DGKI: variants seen among roughly 807,000 people sequenced by gnomAD.
DGKI encodes the protein DAG kinase iota.
A neutral mutation model predicts 147.5 loss-of-function variants in DGKI; 55 were observed. The ratio of observed to expected loss-of-function variants is 0.37; its 90% CI spans 0.30 to 0.47. DGKI has a LOEUF of 0.47. Among genes scored for constraint, DGKI ranks in the 20% least tolerant of loss-of-function variants. The pLI is 1.00. For synonymous variants in DGKI, 469 were observed against 477.1 expected, an observed-to-expected ratio of 0.98 and a Z score of 0.22; for missense variants, 1,007 against 1,323.8, an observed-to-expected ratio of 0.76 and a Z score of 3.71.
intron 28 of DGKI, among the ~76,000 whole-genome samples, chr7:137,436,360 T>C (rs1813285787): frequency 6.6e-6 from 1 of 152,076 alleles, no homozygotes; most frequent in South Asian, 2.1e-4. Flanking sequence ...TTCTACCCAA[T>C]AAAAAGACCT....
At chr7:137,445,894 G>A (rs1813695519) in intron 27 of DGKI, among the ~76,000 whole-genome samples, 2 of 152,106 alleles carry the variant, frequency 1.3e-5, no homozygotes, top group Admixed American at 1.3e-4. Context: ...AGTTGGGGAG[G>A]GGAGTATTGA....
At chr7:137,418,761 A>C (rs1267833432) in intron 28 of DGKI, among the ~76,000 whole-genome samples, 2 of 152,236 alleles carry the variant, frequency 1.3e-5, no homozygotes, top group African/African-American at 4.8e-5. Flanking sequence ...GTAAATATAA[A>C]AACTGCTAAA....
chr7:137,428,081 G>T (rs953743752), intron 28 of DGKI, among the ~76,000 whole-genome samples: 2 of 146,342 alleles, frequency 1.4e-5, no homozygotes, highest in Admixed American at 6.9e-5. Context: ...TACCAAAGCC[G>T]GGCAGAGACA....
Position 137,463,503 on chromosome 7 carries a change from G to C in DGKI, c.2721C>G (p.His907Gln). ...AGAACTCTTACTGTAGCACGCGGGA[G>C]TGGCTGAGATCTTTCAGATCTGAGT... ...YEDSDLKDLS[H>Q]SRVLQSPVSS... The change falls in exon 27 of 33, where the codon CAC becomes CAG. Residue 907 changes from histidine to glutamine, a missense_variant. By Grantham distance (24) the His-to-Gln change is conservative (BLOSUM62 0). Transcript: ENST00000614521. 1 of 1,614,150 alleles carries C rather than the reference G, an allele frequency of 6.2e-7. No homozygotes were observed. Among genetic ancestry groups the C allele is most frequent in the Non-Finnish European group, 8.5e-7 (1 of 1,180,024 alleles).
intron 6 of DGKI, among the ~76,000 whole-genome samples, chr7:137,625,633 C>T (rs983544896): frequency 4.6e-5 from 7 of 151,542 alleles, no homozygotes; most frequent in Admixed American, 1.3e-4. Context: ...CATGGTGGCT[C>T]ATGCCTGTAA....
chr7:137,507,154 A>G (rs920255924), intron 21 of DGKI, among the ~76,000 whole-genome samples: 15 of 152,192 alleles, frequency 9.9e-5, no homozygotes, highest in African/African-American at 3.6e-4. Context: ...AAGGAAACAT[A>G]ACATCCCAAG....
intron 1 of DGKI, among the ~76,000 whole-genome samples, chr7:137,749,394 C>T (rs571921738): frequency 6.6e-6 from 1 of 152,250 alleles, no homozygotes; most frequent in South Asian, 2.1e-4. Flanking sequence ...GCAAGCTCCC[C>T]ACTCAAACCA....
At chr7:137,539,696 T>C (rs1817626045) in intron 20 of DGKI, among the ~76,000 whole-genome samples, 1 of 148,366 alleles carries the variant, frequency 6.7e-6, no homozygotes, top group South Asian at 2.1e-4. Context: ...TAGAAAAAAA[T>C]GGGAAAAAAA....
intron 21 of DGKI, among the ~76,000 whole-genome samples, chr7:137,503,245 A>G (rs1235935146): frequency 6.6e-6 from 1 of 152,186 alleles, no homozygotes; most frequent in Non-Finnish European, 1.5e-5. Context: ...TTACAAAGAA[A>G]TGCAACTATA....
intron 20 of DGKI, among the ~76,000 whole-genome samples, chr7:137,545,748 T>C (rs1817842125): frequency 6.6e-6 from 1 of 152,154 alleles, no homozygotes; most frequent in South Asian, 2.1e-4. Context: ...CACAGCTCCA[T>C]TTCAAATCAA....
intron 12 of DGKI, among the ~76,000 whole-genome samples, chr7:137,588,867 TTAATG>T (rs1463403108): frequency 1.3e-5 from 2 of 152,196 alleles, no homozygotes; most frequent in African/African-American, 2.4e-5. Flanking sequence ...AAGACAGATA[TTAATG>T]TAATTTTCAT....
At chr7:137,402,351 T>G (rs1177970037) in intron 30 of DGKI, among the ~76,000 whole-genome samples, 1 of 152,112 alleles carries the variant, frequency 6.6e-6, no homozygotes, top group Non-Finnish European at 1.5e-5. Flanking sequence ...GAAAGAAAAT[T>G]CTGTTAAGTG....
At chr7:137,419,088 C>T (rs368210774) in intron 28 of DGKI, among the ~76,000 whole-genome samples, 15 of 152,290 alleles carry the variant, frequency 9.8e-5, no homozygotes, top group African/African-American at 3.6e-4. Context: ...TTACTTGCCT[C>T]CCCCCTTCCC....
chr7:137,497,612 TA>T (rs918028168), intron 21 of DGKI, among the ~76,000 whole-genome samples: 27 of 150,474 alleles, frequency 1.8e-4, no homozygotes, highest in Middle Eastern at 3.4e-3. Context: ...ACATAGCCAT[TA>T]AAAAAAAATG....
chr7:137,509,510 G>T (rs1816503220), intron 21 of DGKI, among the ~76,000 whole-genome samples: 2 of 152,262 alleles, frequency 1.3e-5, no homozygotes, highest in East Asian at 1.9e-4. Flanking sequence ...TAGCTGTGGG[G>T]GTTACAACCT....
chr7:137,652,840 A>G (rs1346822018), intron 5 of DGKI, among the ~76,000 whole-genome samples: 2 of 152,170 alleles, frequency 1.3e-5, no homozygotes, highest in Non-Finnish European at 2.9e-5. Context: ...TGATTCTCAG[A>G]TATCTCCTAT....
At position 137,546,084 on chromosome 7, in the gene DGKI, C is replaced by T. The variant is rs1817855374; in HGVS notation, c.2147+6285G>A. 3 of 566,222 alleles carry T rather than the reference C, an allele frequency of 5.3e-6. No individual in the cohort carries two copies. The Admixed American group carries it at 8.6e-5, about 16-fold the overall frequency. The allele number at this position is 566,222 out of a possible 1,614,324, so 35.1% of individuals were successfully genotyped here. On this transcript the variant is annotated intron_variant, in intron 20 of 32. Coordinates refer to ENST00000614521, the MANE Select transcript of DGKI (RefSeq NM_001321708.2). Reference sequence around the variant, plus strand: ...TTAAACAGAAATTAAATGAGCGCATCACCGAACAGCGAAGGAAAGGAAAAG... The same window carrying T: ...TTAAACAGAAATTAAATGAGCGCATTACCGAACAGCGAAGGAAAGGAAAAG...
chr7:137,799,119 A>G (rs1333807203), intron 1 of DGKI, among the ~76,000 whole-genome samples: 2 of 152,210 alleles, frequency 1.3e-5, no homozygotes, highest in Non-Finnish European at 2.9e-5. Context: ...GTCTTCTTTC[A>G]TCACTTCTAT....
At chr7:137,560,049 T>C (rs1433411780) in intron 19 of DGKI, among the ~76,000 whole-genome samples, 1 of 152,222 alleles carries the variant, frequency 6.6e-6, no homozygotes, top group Non-Finnish European at 1.5e-5. Flanking sequence ...AAGTAGAATG[T>C]AATGCTAAGA....
Sources: gnomAD v4.1 joint callset for allele counts (sites outside exome capture counted in the v4.1 genomes callset) on GRCh38, gnomAD v4.1.1 for gene constraint, MANE v1.5 for transcripts, NCBI Gene and HGNC (gene_info 2026-07-23, HGNC 2026-07-21) for gene names.